Variants in KAZN observed in about 807,000 individuals in gnomAD.
The protein encoded by KAZN is kazrin.
KAZN carries 40 observed loss-of-function variants against 87.4 expected under a neutral mutation model. That is an observed-to-expected ratio of 0.46 (90% confidence interval 0.36 to 0.60). KAZN has a LOEUF of 0.60. Ranked by LOEUF, KAZN falls within the 20% of genes least tolerant of loss-of-function variation. The pLI, the probability that KAZN is intolerant of heterozygous loss-of-function variation, is 0.00. For missense variants in KAZN, 898 were observed against 1,073.9 expected (o/e 0.84, Z 2.29); for synonymous variants, 466 against 458.3 (o/e 1.02, Z -0.22).
chr1:14,468,148 A>T (rs1668264679), intron 2 of KAZN, among the ~76,000 whole-genome samples: 1 of 152,180 alleles, frequency 6.6e-6, no homozygotes, highest in African/African-American at 2.4e-5. Flanking sequence ...GGTTGGAGGG[A>T]CATGGAAAAA....
intron 1 of KAZN, among the ~76,000 whole-genome samples, chr1:13,925,179 G>C (rs749136490): frequency 6.6e-6 from 1 of 152,140 alleles, no homozygotes; most frequent in African/African-American, 2.4e-5. Flanking sequence ...CATAGATTAC[G>C]TGGTCTTTTT....
chr1:13,995,837 A>G (rs1639488159), intron 1 of KAZN, among the ~76,000 whole-genome samples: 2 of 152,026 alleles, frequency 1.3e-5, no homozygotes, highest in African/African-American at 4.8e-5. Flanking sequence ...TGTCTCAAGC[A>G]TTTTTCCAGA....
At chr1:14,879,746 G>A (rs568810623) in intron 1 of KAZN, among the ~76,000 whole-genome samples, 36 of 152,288 alleles carry the variant, frequency 2.4e-4, no homozygotes, top group African/African-American at 7.0e-4. Context: ...GTGACTATGC[G>A]AGAATGTAGA....
intron 1 of KAZN, among the ~76,000 whole-genome samples, chr1:14,025,469 A>T (rs4662074): frequency 0.99 from 150,018 of 152,286 alleles, 73,904 homozygotes; most frequent in Middle Eastern, 1. Flanking sequence ...AAAGAAGACA[A>T]GCTTTGTTCT....
chr1:14,531,599 T>C (rs1017588015), intron 2 of KAZN, among the ~76,000 whole-genome samples: 1 of 152,132 alleles, frequency 6.6e-6, no homozygotes, highest in East Asian at 1.9e-4. Flanking sequence ...AGTGGAAAGA[T>C]GTGGTTGACA....
chr1:14,607,836 G>A (rs1194113645), intron 1 of KAZN, among the ~76,000 whole-genome samples: 1 of 152,202 alleles, frequency 6.6e-6, no homozygotes, highest in South Asian at 2.1e-4. Flanking sequence ...GAACTGGGGA[G>A]GCAGAGTGAC....
rs1190325182 is a variant in KAZN, at chr1:15,099,716, G to A, written c.1548-1827G>A. ...GAGAAGCCACAGAGTGTTGAGCAGG[G>A]GAGTGCACGGTCACACTGACATTTT... On this transcript the variant is annotated intron_variant, in intron 10 of 14. Transcript: ENST00000376030. The surrounding 1 kb of genome is among the most constrained non-coding windows in gnomAD (Gnocchi z 5.4). 1.3e-5 allele frequency among the ~76,000 whole-genome samples: 2 copies of A among 152,172 alleles called. No homozygotes were observed. Among genetic ancestry groups the A allele is most frequent in the Non-Finnish European group, 2.9e-5 (2 of 68,032 alleles).
chr1:14,588,435 A>G (rs1675986270), intron 2 of KAZN, among the ~76,000 whole-genome samples: 1 of 152,234 alleles, frequency 6.6e-6, no homozygotes. Context: ...TCTTGAAAAT[A>G]GAAACTAGAT....
chr1:15,053,125 C>T (rs1015724638), intron 4 of KAZN, among the ~76,000 whole-genome samples: 2 of 152,198 alleles, frequency 1.3e-5, no homozygotes, highest in African/African-American at 4.8e-5. Flanking sequence ...TCTCCCGAGT[C>T]GCACTTTCTG....
At chr1:14,278,186 A>C (rs970384955) in intron 2 of KAZN, among the ~76,000 whole-genome samples, 90 of 151,924 alleles carry the variant, frequency 5.9e-4, no homozygotes, top group African/African-American at 2.1e-3. Context: ...AAAAAAAAAA[A>C]AAAACAGAGA....
At position 14,062,293 on chromosome 1, in the gene KAZN, C is replaced by T. The variant is rs140233204; in HGVS notation, c.92-118142C>T. Among the ~76,000 whole-genome samples, 96 of 152,264 alleles carry T rather than the reference C, an allele frequency of 6.3e-4. 1 individual carries two copies. In the East Asian group the frequency reaches 0.017, roughly 27 times the overall value. On this transcript the variant is annotated intron_variant, in intron 1 of 16. Coordinates refer to the KAZN transcript ENST00000636203. ...AGTGGTAACCGTTGTTCCTGGAGTT[C>T]CCAGATGGCCTGTCCTTCAGTTATT...
chr1:14,296,156 A>G (rs1654098665), intron 2 of KAZN, among the ~76,000 whole-genome samples: 2 of 152,232 alleles, frequency 1.3e-5, no homozygotes, highest in East Asian at 3.8e-4. Context: ...TATTGAATGA[A>G]TGAATGTCTA....
At chr1:14,826,820 G>A (rs114115874) in intron 1 of KAZN, among the ~76,000 whole-genome samples, 210 of 152,272 alleles carry the variant, frequency 1.4e-3, no homozygotes, top group African/African-American at 4.7e-3. Flanking sequence ...AATTCAGGCC[G>A]CCTTTGCTCT....
intron 1 of KAZN, among the ~76,000 whole-genome samples, chr1:14,948,520 A>G (rs910505639): frequency 6.6e-6 from 1 of 152,028 alleles, no homozygotes; most frequent in African/African-American, 2.4e-5. Flanking sequence ...TAATCTCATT[A>G]GCCAGACTGG....
intron 1 of KAZN, among the ~76,000 whole-genome samples, chr1:13,995,565 G>A (rs7541242): frequency 0.14 from 21,392 of 152,186 alleles, 1,616 homozygotes; most frequent in Middle Eastern, 0.22. Flanking sequence ...TTGTAGATCA[G>A]AAAACCTAAT....
At position 15,099,526 on chromosome 1, in the gene KAZN, G is replaced by A. The variant is rs1640954093; in HGVS notation, c.1548-2017G>A. Reference sequence around the variant, plus strand: ...GGGTGAGCCCTGGGCAGGGTTGCAAGGGGCTGGCCGGGGAGGGGAATGGGG... The same window carrying A: ...GGGTGAGCCCTGGGCAGGGTTGCAAAGGGCTGGCCGGGGAGGGGAATGGGG... On this transcript the variant is annotated intron_variant, in intron 10 of 14. Transcript: ENST00000376030. The surrounding 1 kb of genome is among the most constrained non-coding windows in gnomAD (Gnocchi z 5.4). Among the ~76,000 whole-genome samples the A allele has an allele frequency of 6.6e-6, 1 of 152,136 alleles. No homozygotes were observed. Among genetic ancestry groups the A allele is most frequent in the Admixed American group, 6.5e-5 (1 of 15,290 alleles).
At chr1:14,212,551 T>A (rs1310802375) in intron 2 of KAZN, among the ~76,000 whole-genome samples, 2 of 151,996 alleles carry the variant, frequency 1.3e-5, no homozygotes, top group Non-Finnish European at 2.9e-5. Context: ...AAATCATGAT[T>A]CTCTTAGAAT....
chr1:14,901,963 C>T (rs937995800), intron 1 of KAZN, among the ~76,000 whole-genome samples: 1 of 152,158 alleles, frequency 6.6e-6, no homozygotes, highest in Non-Finnish European at 1.5e-5. Flanking sequence ...CCAGCAGTGG[C>T]AGGCAATTTC....
At chr1:14,523,885 T>C (rs947235102) in intron 2 of KAZN, among the ~76,000 whole-genome samples, 1 of 152,152 alleles carries the variant, frequency 6.6e-6, no homozygotes, top group Non-Finnish European at 1.5e-5. Flanking sequence ...CAGAGACACA[T>C]GAGATGGAAT....
Sources: allele counts gnomAD v4.1 joint callset (sites outside exome capture counted in the v4.1 genomes callset), GRCh38; gene constraint gnomAD v4.1.1; non-coding constraint Gnocchi (gnomAD v3.1); transcripts MANE v1.5; gene names NCBI Gene and HGNC (gene_info 2026-07-23, HGNC 2026-07-21).